Variants in APOO observed in about 807,000 individuals in gnomAD.
APOO encodes the protein apolipoprotein O, also known as MICOS complex subunit MIC26.
APOO carries 11 observed loss-of-function variants against 23.1 expected under a neutral mutation model. The ratio of observed to expected loss-of-function variants is 0.48; its 90% CI spans 0.30 to 0.79. APOO has a LOEUF of 0.79. APOO is among the 30% of genes least tolerant of loss of function. The probability of loss-of-function intolerance (pLI) is 0.07; values close to 1 mark genes in which losing one functional copy is unlikely to be tolerated. For synonymous variants in APOO, 59 were observed against 54.8 expected (o/e 1.08, Z -0.34); for missense variants, 160 against 142.7 (o/e 1.12, Z -0.62).
chrX:23,875,977 T>C (rs1275166610), intron 3 of APOO, among the ~76,000 whole-genome samples: 5 of 109,211 alleles, frequency 4.6e-5, no homozygotes, highest in African/African-American at 1.7e-4. Context: ...AAAATAAAAA[T>C]ATTAGGCTGG....
intron 4 of APOO, among the ~76,000 whole-genome samples, chrX:23,870,483 T>C (rs1470445006): frequency 8.9e-6 from 1 of 111,845 alleles, no homozygotes; most frequent in East Asian, 2.8e-4. Flanking sequence ...GTTCATTCAA[T>C]AGATATTTAT....
chrX:23,893,261 C>CA (rs749472447), intron 1 of APOO, among the ~76,000 whole-genome samples: 5,944 of 73,980 alleles, frequency 0.08, 439 homozygotes, highest in African/African-American at 0.23. Context: ...ACTAAAAATA[C>CA]AAAAAAAAAA....
intron 4 of APOO, among the ~76,000 whole-genome samples, chrX:23,873,522 G>A (rs1458641868): frequency 9.1e-6 from 1 of 109,671 alleles, no homozygotes; most frequent in Non-Finnish European, 1.9e-5. Context: ...TGGGAGAATC[G>A]CTTGAACCTG....
At chrX:23,879,168 G>C (rs941916014) in intron 2 of APOO, 134 bp from the exon 3 acceptor site, 2 of 793,719 alleles carry the variant, frequency 2.5e-6, no homozygotes, top group Admixed American at 3.7e-5. Context: ...GGGTGTGGTG[G>C]TTCACGCTTG....
chrX:23,888,861 A>G lies in APOO; in HGVS notation c.10-7909T>C, dbSNP rs1317681527. The stretch of plus-strand genomic sequence containing the variant: ...TGAGATTTCATCTCAAAAAAAAAAA[A>G]AAAAAAAAAAGATTCAGGCATAAGA... On this transcript the variant is annotated intron_variant, in intron 1 of 8. Transcript: ENST00000379226. 1.3e-4 allele frequency among the ~76,000 whole-genome samples: 14 copies of G among 107,061 alleles called. No individual in the cohort carries two copies. The South Asian group carries it at 5.4e-3, about 41-fold the overall frequency. The allele number at this position is 107,061 out of a possible 115,157, so 93.0% of individuals were successfully genotyped here. A position where few individuals can be genotyped will look rare whatever the true frequency, so the allele number is the denominator to read the frequency against.
chrX:23,849,583 TAAAAAAAAAAAA>T (rs143362355), intron 7 of APOO, among the ~76,000 whole-genome samples: 2 of 32,604 alleles, frequency 6.1e-5, no homozygotes, highest in Non-Finnish European at 1.0e-4. Context: ...AAGAGAGACT[TAAAAAAAAAAAA>T]AAAAAAAAAA....
intron 1 of APOO, among the ~76,000 whole-genome samples, chrX:23,890,657 T>C (rs1321505836): frequency 1.8e-5 from 2 of 112,069 alleles, no homozygotes; most frequent in Non-Finnish European, 3.8e-5. Flanking sequence ...AAACATTCAA[T>C]AGTTTATTAT....
At chrX:23,907,654 AG>A in intron 1 of APOO, 39 bp downstream of exon 1, 2 of 1,145,209 alleles carry the variant, frequency 1.7e-6, no homozygotes, top group Non-Finnish European at 2.3e-6. Flanking sequence ...GGCGGCCGGG[AG>A]GGGGCGGTGA....
At chrX:23,905,854 G>A (rs971491075) in intron 1 of APOO, among the ~76,000 whole-genome samples, 1 of 112,494 alleles carries the variant, frequency 8.9e-6, no homozygotes, top group Non-Finnish European at 1.9e-5. Flanking sequence ...TTTGACATCT[G>A]CAACAACTGT....
chrX:23,856,407 T>G, intron 6 of APOO, 25 bp from the exon 7 acceptor site: 2 of 1,113,168 alleles, frequency 1.8e-6, no homozygotes, highest in Non-Finnish European at 2.5e-6. Flanking sequence ...GAAAAGATCT[T>G]ACCATCTGAC....
rs966469823 is a variant in APOO, at chrX:23,904,262, T to A, written c.9+3432A>T. Among the ~76,000 whole-genome samples the A allele has an allele frequency of 4.5e-5, 5 of 111,113 alleles. No individual in the cohort carries two copies. The East Asian group carries it at 1.4e-3, about 31-fold the overall frequency. On this transcript the variant is annotated intron_variant, in intron 1 of 8. Coordinates refer to ENST00000379226, the MANE Select transcript of APOO (RefSeq NM_024122.5). ...ATTAAGTGACGCCACCCTGGGTTGA[T>A]CCTGTTTAGTCTAAGCCAATCAGAT...
chrX:23,898,420 T>C (rs1447573285), intron 1 of APOO, among the ~76,000 whole-genome samples: 2 of 110,872 alleles, frequency 1.8e-5, no homozygotes, highest in Non-Finnish European at 3.8e-5. Flanking sequence ...GGGTTTCATA[T>C]CTTAACAGAC....
intron 1 of APOO, among the ~76,000 whole-genome samples, chrX:23,902,222 G>A (rs1239427049): frequency 8.9e-6 from 1 of 111,779 alleles, no homozygotes; most frequent in African/African-American, 3.3e-5. Flanking sequence ...CATCGTTAAC[G>A]GACCTTTAAT....
rs151200439 is a variant in APOO at position 23,837,904 on chromosome X, C to T, written c.*29+2409G>A. 4.7e-3 allele frequency among the ~76,000 whole-genome samples: 503 copies of T among 106,949 alleles called. 4 individuals are homozygous for T. The highest frequency in any genetic ancestry group is 0.016 in the African/African-American group (462 of 29,452). The allele number at this position is 106,949 out of a possible 115,157, so 92.9% of individuals were successfully genotyped here. ...CGAACTGCCAGACTCATATAATCCA[C>T]CTACCTCAGCCTCCCAAAGTGCTAG... On this transcript the variant is annotated intron_variant, in intron 8 of 8. Coordinates refer to ENST00000379226, the MANE Select transcript of APOO (RefSeq NM_024122.5).
intron 3 of APOO, among the ~76,000 whole-genome samples, chrX:23,877,224 C>T (rs774792891): frequency 8.9e-6 from 1 of 112,098 alleles, no homozygotes; most frequent in Non-Finnish European, 1.9e-5. Flanking sequence ...AATTTGCTGA[C>T]TTTATCTTAA....
At chrX:23,892,547 T>A (rs1350511879) in intron 1 of APOO, among the ~76,000 whole-genome samples, 1 of 109,896 alleles carries the variant, frequency 9.1e-6, no homozygotes, top group Non-Finnish European at 1.9e-5. Flanking sequence ...AGGTGGGCAG[T>A]TCACGAGGTC....
chrX:23,898,684 G>A (rs1164640102), intron 1 of APOO, among the ~76,000 whole-genome samples: 1 of 111,999 alleles, frequency 8.9e-6, no homozygotes, highest in Non-Finnish European at 1.9e-5. Context: ...CCCAAATGGT[G>A]TGACTCCACA....
chrX:23,861,513 T>C (rs1460441490), intron 5 of APOO, among the ~76,000 whole-genome samples: 2 of 93,872 alleles, frequency 2.1e-5, no homozygotes, highest in African/African-American at 4.2e-5. Context: ...GTTATAGCAA[T>C]GCAAGAATGG....
intron 1 of APOO, 85 bp downstream of exon 1, chrX:23,907,609 G>T: frequency 9.9e-7 from 1 of 1,014,130 alleles, no homozygotes; most frequent in Non-Finnish European, 1.3e-6. Flanking sequence ...AGGCCTGGCT[G>T]CAGAGAGGCC....
Sources: allele counts gnomAD v4.1 joint callset (sites outside exome capture counted in the v4.1 genomes callset), GRCh38; gene constraint gnomAD v4.1.1; transcripts MANE v1.5; gene names NCBI Gene and HGNC (gene_info 2026-07-23, HGNC 2026-07-21).